Variants in LAMA3 observed in about 807,000 individuals in gnomAD.
The protein encoded by LAMA3 is laminin subunit alpha-3.
In LAMA3, 281 loss-of-function variants were observed where a neutral mutation model predicts 402.0. The ratio of observed to expected loss-of-function variants is 0.70; its 90% CI spans 0.63 to 0.77. LAMA3 has a LOEUF of 0.77. Among genes scored for constraint, LAMA3 ranks in the 30% least tolerant of loss-of-function variants. The pLI is 0.00. For synonymous variants in LAMA3, 1,431 were observed against 1,558.4 expected (o/e 0.92, Z 1.93); for missense variants, 3,840 against 4,215.5 (o/e 0.91, Z 2.47).
chr18:23,750,871 T>C, intron 4 of LAMA3, 47 bp from the exon 5 acceptor site: 1 of 1,607,446 alleles, frequency 6.2e-7, no homozygotes, highest in Non-Finnish European at 8.5e-7. Context: ...TGCTAAATTT[T>C]GATAAAAGGA....
In LAMA3 at chr18:23,713,962, G is replaced by T. The variant is rs1480174207; in HGVS notation, c.337G>T (p.Ala113Ser). The T allele has an allele frequency of 6.2e-6, 10 of 1,613,476 alleles. No homozygotes were observed. The highest frequency in any genetic ancestry group is 7.6e-6 in the Non-Finnish European group (9 of 1,179,906). Residue 113 changes from alanine (A) to serine (S), a missense_variant, in exon 2 of 75, where the codon GCA becomes TCA. Coordinates refer to ENST00000313654, the MANE Select transcript of LAMA3 (RefSeq NM_198129.4). ...DYCNSEDPRK[A>S]HPVTNAIDGS... ...TTGCAATTCTGAAGACCCCAGGAAA[G>T]CACATCCTGTCACCAATGCCATCGA...
chr18:23,872,931 C>A (rs981136980), intron 38 of LAMA3: 1 of 1,382,568 alleles, frequency 7.2e-7, no homozygotes, highest in African/African-American at 1.4e-5. Context: ...GGGCCCCTGC[C>A]GCAGACAGCC....
chr18:23,854,771 C>T (rs1440646085), intron 32 of LAMA3, among the ~76,000 whole-genome samples: 3 of 152,030 alleles, frequency 2.0e-5, no homozygotes, highest in South Asian at 4.2e-4. Context: ...ATCACGAGGT[C>T]TGGAGATCGA....
At chr18:23,825,827 T>A (rs1363856852) in intron 21 of LAMA3, among the ~76,000 whole-genome samples, 1 of 152,030 alleles carries the variant, frequency 6.6e-6, no homozygotes, top group East Asian at 1.9e-4. Context: ...ATCATAAGGG[T>A]GCCTATGATC....
intron 24 of LAMA3, chr18:23,834,699 C>T (rs2063549339): frequency 6.5e-6 from 1 of 152,892 alleles, no homozygotes; most frequent in Non-Finnish European, 1.5e-5. Flanking sequence ...TGCAGTAAAC[C>T]CATCCAGTTC....
intron 12 of LAMA3, among the ~76,000 whole-genome samples, chr18:23,800,224 C>T (rs113174877): frequency 6.6e-6 from 1 of 152,184 alleles, no homozygotes; most frequent in African/African-American, 2.4e-5. Flanking sequence ...ATACAACTAT[C>T]CTGTATACAA....
intron 2 of LAMA3, among the ~76,000 whole-genome samples, chr18:23,727,239 G>A (rs982742462): frequency 6.6e-6 from 1 of 152,192 alleles, no homozygotes; most frequent in African/African-American, 2.4e-5. Context: ...AGATTTAACA[G>A]ATATCAGCTT....
chr18:23,812,289 C>T (rs947901005), intron 13 of LAMA3, among the ~76,000 whole-genome samples: 1 of 152,186 alleles, frequency 6.6e-6, no homozygotes, highest in Admixed American at 6.5e-5. Context: ...TTGCAGTGAG[C>T]TATGATCGTG....
chr18:23,907,470 G>A, intron 52 of LAMA3, 80 bp from the exon 53 acceptor site: 1 of 995,774 alleles, frequency 1.0e-6, no homozygotes, highest in East Asian at 2.4e-5. Flanking sequence ...GCAGACACTG[G>A]CTACTTCAGG....
intron 29 of LAMA3, among the ~76,000 whole-genome samples, chr18:23,844,665 G>A (rs149838125): frequency 0.016 from 2,483 of 152,290 alleles, 255 homozygotes; most frequent in Admixed American, 0.15. Flanking sequence ...AACAATAAGG[G>A]TGTTGATCTC....
chr18:23,863,607 G>A (rs1242138907), intron 35 of LAMA3, among the ~76,000 whole-genome samples: 1 of 152,220 alleles, frequency 6.6e-6, no homozygotes, highest in Non-Finnish European at 1.5e-5. Context: ...AATACTTCCA[G>A]GCTTGAAGAT....
chr18:23,940,355 A>G (rs897209297), intron 68 of LAMA3, among the ~76,000 whole-genome samples: 4 of 152,340 alleles, frequency 2.6e-5, no homozygotes, highest in African/African-American at 9.6e-5. Flanking sequence ...AGTGTTGGCT[A>G]TAAATGGCCC....
chr18:23,810,333 C>T (rs375866284), intron 12 of LAMA3, 33 bp from the exon 13 acceptor site: 5 of 1,613,700 alleles, frequency 3.1e-6, no homozygotes, highest in African/African-American at 2.7e-5. Context: ...ACCTGCAACC[C>T]CCGCCTAAGT....
intron 6 of LAMA3, 104 bp downstream of exon 6, chr18:23,753,916 T>A: frequency 5.1e-6 from 4 of 786,942 alleles, no homozygotes; most frequent in Non-Finnish European, 6.7e-6. Flanking sequence ...CTGTCCTCAA[T>A]AGGAATGATT....
intron 12 of LAMA3, among the ~76,000 whole-genome samples, chr18:23,785,751 A>G (rs1280389543): frequency 2.0e-5 from 3 of 152,148 alleles, no homozygotes; most frequent in Non-Finnish European, 4.4e-5. Flanking sequence ...CTGAAAATAT[A>G]TCAAAGGGTT....
At chr18:23,704,464 G>C (rs2060849711) in intron 1 of LAMA3, among the ~76,000 whole-genome samples, 1 of 152,230 alleles carries the variant, frequency 6.6e-6, no homozygotes, top group African/African-American at 2.4e-5. Flanking sequence ...TCTCTGAGCT[G>C]TTTCTTCATC....
intron 54 of LAMA3, among the ~76,000 whole-genome samples, chr18:23,908,460 G>A (rs1475547617): frequency 2.0e-5 from 3 of 150,614 alleles, no homozygotes; most frequent in African/African-American, 7.4e-5. Context: ...ATCCTGGGAG[G>A]TGGAGGTTGC....
intron 11 of LAMA3, among the ~76,000 whole-genome samples, chr18:23,778,161 A>G (rs577113579): frequency 6.6e-6 from 1 of 152,326 alleles, no homozygotes; most frequent in African/African-American, 2.4e-5. Context: ...AGAGAGTAGC[A>G]GTGGTGTGCA....
chr18:23,860,603 T>C (rs967209245), intron 34 of LAMA3, among the ~76,000 whole-genome samples: 1 of 151,964 alleles, frequency 6.6e-6, no homozygotes, highest in East Asian at 1.9e-4. Flanking sequence ...CTAAAACTTT[T>C]CTTGTTTTCA....
Sources: allele counts gnomAD v4.1 joint callset (sites outside exome capture counted in the v4.1 genomes callset), GRCh38; gene constraint gnomAD v4.1.1; transcripts MANE v1.5; gene names NCBI Gene and HGNC (gene_info 2026-07-23, HGNC 2026-07-21).